Variants in LAMA4 observed in about 807,000 individuals in gnomAD.
The protein encoded by LAMA4 is laminin subunit alpha 4.
In LAMA4, 127 loss-of-function variants were observed where a neutral mutation model predicts 207.1. The ratio of observed to expected loss-of-function variants is 0.61; its 90% CI spans 0.53 to 0.71. The LOEUF (loss-of-function observed/expected upper bound fraction) is 0.71, where lower values mean the gene tolerates loss of function less well. Ranked by LOEUF, LAMA4 falls within the 30% of genes least tolerant of loss-of-function variation. The probability of loss-of-function intolerance (pLI) is 0.00; values close to 1 mark genes in which losing one functional copy is unlikely to be tolerated. For synonymous variants in LAMA4, 761 were observed against 816.0 expected (o/e 0.93, Z 1.15); for missense variants, 2,093 against 2,246.5 (o/e 0.93, Z 1.38).
Position 112,117,015 on chromosome 6 carries a change from T to C in LAMA4, c.4981+724A>G, listed in dbSNP as rs1299362169. Among the ~76,000 whole-genome samples, 6 of 152,170 alleles carry C rather than the reference T, an allele frequency of 3.9e-5. No individual in the cohort carries two copies. Among genetic ancestry groups the C allele is most frequent in the African/African-American group, 4.8e-5 (2 of 41,444 alleles). The stretch of plus-strand genomic sequence containing the variant: ...ACTTGGCTGCAGTGTAATTTCTTTA[T>C]TCAGGGGATGTGCAAAGTACCTAAG... On this transcript the variant is annotated intron_variant, in intron 35 of 38. Transcript: ENST00000230538. This position sits in a 1 kb window ranked among gnomAD's most constrained non-coding sequence, Gnocchi z 4.5.
At chr6:112,119,688 T>C (rs782790083) in intron 33 of LAMA4, among the ~76,000 whole-genome samples, 1 of 152,198 alleles carries the variant, frequency 6.6e-6, no homozygotes, top group African/African-American at 2.4e-5. Flanking sequence ...GACCTCTAGA[T>C]AGAATGATTT....
chr6:112,163,712 G>A (rs548285669), intron 13 of LAMA4, among the ~76,000 whole-genome samples: 1 of 152,220 alleles, frequency 6.6e-6, no homozygotes, highest in Non-Finnish European at 1.5e-5. Flanking sequence ...AAGCTGAGCA[G>A]AATGGTAGGG....
chr6:112,140,037 T>C, intron 22 of LAMA4, 152 bp from the exon 23 acceptor site: 1 of 765,368 alleles, frequency 1.3e-6, no homozygotes, highest in Non-Finnish European at 2.3e-6. Context: ...CCAAATCATT[T>C]AGATATGGCG....
intron 9 of LAMA4, chr6:112,178,586 C>A (rs1169570847): frequency 1.7e-5 from 5 of 294,304 alleles, no homozygotes; most frequent in Non-Finnish European, 2.6e-5. Flanking sequence ...TCCACTCTTC[C>A]CTGCAAGTCC....
chr6:112,193,750 C>G (rs1454895128), intron 5 of LAMA4, among the ~76,000 whole-genome samples: 1 of 152,164 alleles, frequency 6.6e-6, no homozygotes, highest in Non-Finnish European at 1.5e-5. Context: ...TGGAAAGTCA[C>G]AGTGCAAGGT....
At chr6:112,195,260 G>T (rs1472839268) in intron 5 of LAMA4, among the ~76,000 whole-genome samples, 1 of 152,158 alleles carries the variant, frequency 6.6e-6, no homozygotes, top group Non-Finnish European at 1.5e-5. Flanking sequence ...TTGTTCCAAA[G>T]TAGGTGCTAT....
chr6:112,130,887 C>A (rs1344168520), intron 29 of LAMA4, 81 bp downstream of exon 29: 8 of 1,436,338 alleles, frequency 5.6e-6, no homozygotes, highest in Non-Finnish European at 5.9e-6. Flanking sequence ...TATAGGACAG[C>A]CTATTATTCA....
At chr6:112,174,869 C>T (rs6917024) in intron 11 of LAMA4, among the ~76,000 whole-genome samples, 22,918 of 152,180 alleles carry the variant, frequency 0.15, 1,940 homozygotes, top group East Asian at 0.29. Context: ...TGATTTGGTG[C>T]CTACACTCAT....
At chr6:112,151,542 C>A (rs569682053) in intron 16 of LAMA4, among the ~76,000 whole-genome samples, 2 of 152,072 alleles carry the variant, frequency 1.3e-5, no homozygotes, top group African/African-American at 4.8e-5. Context: ...TATATAAATT[C>A]TTGTTTAGAT....
At chr6:112,139,313 C>T (rs1677642341) in intron 23 of LAMA4, 22 bp from the exon 24 acceptor site, 1 of 1,613,384 alleles carries the variant, frequency 6.2e-7, no homozygotes, top group Admixed American at 1.7e-5. Context: ...ACACAACGGT[C>T]ATTTGAACAC....
At chr6:112,206,003 CCTT>C (rs140805629) in intron 4 of LAMA4, among the ~76,000 whole-genome samples, 2,265 of 152,332 alleles carry the variant, frequency 0.015, 62 homozygotes, top group African/African-American at 0.053. Flanking sequence ...TGCACGCACT[CCTT>C]CTTCACTCCC....
chr6:112,114,318 T>C (rs1777885989), intron 37 of LAMA4, 123 bp from the exon 38 acceptor site: 2 of 963,584 alleles, frequency 2.1e-6, no homozygotes, highest in East Asian at 5.1e-5. Context: ...CACTTTCTTC[T>C]ATATTATTAA....
At chr6:112,153,227 T>C (rs1554336119) in intron 16 of LAMA4, among the ~76,000 whole-genome samples, 1 of 151,910 alleles carries the variant, frequency 6.6e-6, no homozygotes, top group African/African-American at 2.4e-5. Context: ...AATGGAGAAA[T>C]GTAATCTGAA....
intron 38 of LAMA4, among the ~76,000 whole-genome samples, chr6:112,112,339 C>A (rs1011332303): frequency 6.6e-6 from 1 of 152,152 alleles, no homozygotes; most frequent in Non-Finnish European, 1.5e-5. Context: ...AGCAAAGATA[C>A]CATCGTTGAA....
chr6:112,241,150 A>T lies in LAMA4; in HGVS notation c.195+12806T>A, dbSNP rs1414659334. On this transcript the variant is annotated intron_variant, in intron 2 of 38. Coordinates refer to ENST00000230538, the MANE Select transcript of LAMA4 (RefSeq NM_001105206.3). ...ATGAATATATAGGAATATATATATG[A>T]ATATATATATGAATATATATGAATA... Among the ~76,000 whole-genome samples the T allele has an allele frequency of 2.5e-4, 15 of 60,680 alleles. 4 individuals carry two copies. The highest frequency in any genetic ancestry group is 5.9e-4 in the Non-Finnish European group (14 of 23,846). The allele number at this position is 60,680 out of a possible 152,430, so 39.8% of individuals were successfully genotyped here. A position where few individuals can be genotyped will look rare whatever the true frequency, so the allele number is the denominator to read the frequency against.
At chr6:112,143,767 C>A (rs1182733113) in intron 19 of LAMA4, among the ~76,000 whole-genome samples, 2 of 152,104 alleles carry the variant, frequency 1.3e-5, no homozygotes, top group African/African-American at 4.8e-5. Context: ...TGATTAAGGT[C>A]CCAAAGTCAT....
chr6:112,153,652 C>T (rs566198770), intron 16 of LAMA4, among the ~76,000 whole-genome samples: 3 of 152,058 alleles, frequency 2.0e-5, no homozygotes, highest in Non-Finnish European at 2.9e-5. Context: ...AAGACTGACA[C>T]ATTCTGATCT....
chr6:112,114,837 T>A, intron 36 of LAMA4, 81 bp from the exon 37 acceptor site: 4 of 985,728 alleles, frequency 4.1e-6, no homozygotes, highest in Non-Finnish European at 4.9e-6. Context: ...TTTACCACAG[T>A]GAAGCAATAC....
rs1784184643 is a variant in LAMA4, at chr6:112,208,373, G to A, written c.298-1228C>T. Among the ~76,000 whole-genome samples, 3 of 152,144 alleles carry A rather than the reference G, an allele frequency of 2.0e-5. No homozygotes were observed. The South Asian group carries it at 6.2e-4, about 32-fold the overall frequency. ...AGGTTCAGAATAAAAGAATAGCAAG[G>A]CCCTGCTCTAAACATTTTGTATGGA... On this transcript the variant is annotated intron_variant, in intron 3 of 38. Coordinates refer to ENST00000230538, the MANE Select transcript of LAMA4 (RefSeq NM_001105206.3).
Sources: gnomAD v4.1 joint callset for allele counts (sites outside exome capture counted in the v4.1 genomes callset) on GRCh38, gnomAD v4.1.1 for gene constraint, Gnocchi (gnomAD v3.1) non-coding constraint, MANE v1.5 for transcripts, NCBI Gene and HGNC (gene_info 2026-07-23, HGNC 2026-07-21) for gene names.